The following JADE2 variants were observed in gnomAD, a reference collection of about 807,000 sequenced individuals.
JADE2 encodes jade family PHD finger 2, also known as E3 ubiquitin-protein ligase Jade-2.
A neutral mutation model predicts 85.7 loss-of-function variants in JADE2; 13 were observed. The ratio of observed to expected loss-of-function variants is 0.15; its 90% CI spans 0.10 to 0.24. JADE2 has a LOEUF of 0.24. Among genes scored for constraint, JADE2 ranks in the 10% least tolerant of loss-of-function variants. The pLI is 1.00. For synonymous variants in JADE2, 440 were observed against 456.1 expected, an observed-to-expected ratio of 0.96 and a Z score of 0.45; for missense variants, 846 against 1,115.9, an observed-to-expected ratio of 0.76 and a Z score of 3.45.
At chr5:134,565,955 G>A (rs777150499) in intron 8 of JADE2, among the ~76,000 whole-genome samples, 161 bp from the exon 9 acceptor site, 9 of 151,534 alleles carry the variant, frequency 5.9e-5, no homozygotes, top group East Asian at 3.9e-4. Flanking sequence ...CTCCCCTGCC[G>A]TAACTCCCAT....
At chr5:134,553,447 G>C (rs1762723285) in intron 4 of JADE2, among the ~76,000 whole-genome samples, 1 of 150,678 alleles carries the variant, frequency 6.6e-6, no homozygotes, top group African/African-American at 2.4e-5. Context: ...TCCGCCTCCC[G>C]GGTTCATGCG....
At chr5:134,561,002 A>G (rs1395501381) in intron 6 of JADE2, 45 bp downstream of exon 6, 1 of 1,552,422 alleles carries the variant, frequency 6.4e-7, no homozygotes, top group Non-Finnish European at 8.8e-7. Flanking sequence ...ATGTATACAC[A>G]CGCTGCCTGG....
Position 134,580,651 on chromosome 5 carries a change from A to G in JADE2, c.*1334A>G, listed in dbSNP as rs1335406902. The G allele has an allele frequency of 6.6e-6, 1 of 152,372 alleles. No individual in the cohort carries two copies. 9.4% of individuals were successfully genotyped at this position (152,372 alleles called of 1,614,324 possible). On this transcript the variant is annotated 3_prime_UTR_variant, in exon 12 of 12. Coordinates refer to ENST00000681547, the MANE Select transcript of JADE2 (RefSeq NM_001388185.1). ...GAACTTCTCCAAAAAGAACCTTGCA[A>G]AAAGTCCAGTGAATCAGTCGAATCA...
At chr5:134,532,791 C>T (rs1343900802) in intron 1 of JADE2, among the ~76,000 whole-genome samples, 1 of 152,142 alleles carries the variant, frequency 6.6e-6, no homozygotes, top group Non-Finnish European at 1.5e-5. Flanking sequence ...ATCCATGGGG[C>T]AAAAAGCTGA....
chr5:134,574,981 T>C (rs760786701), intron 10 of JADE2: 3 of 152,186 alleles, frequency 2.0e-5, no homozygotes, highest in Non-Finnish European at 2.9e-5. Context: ...TGGCCACATA[T>C]CGGCTGCAGA....
intron 3 of JADE2, 136 bp downstream of exon 3, chr5:134,538,219 G>A: frequency 3.1e-6 from 2 of 648,204 alleles, no homozygotes; most frequent in Admixed American, 2.6e-5. Flanking sequence ...GAATGAAGGG[G>A]AGTAGGGGCC....
chr5:134,578,561 G>T lies in JADE2; in HGVS notation c.1749G>T (p.Gln583His). 1.3e-5 allele frequency: 21 copies of T among 1,613,208 alleles called. No homozygotes were observed. The highest frequency in any genetic ancestry group is 1.7e-5 in the Non-Finnish European group (20 of 1,179,306). Reference protein sequence around the residue: ...FFNSWLAQSVQITAENMAMSE... With the variant: ...FFNSWLAQSVHITAENMAMSE... ...ACAGCTGGCTGGCACAGTCGGTGCA[G>T]ATCACAGCAGAGAACATGGCCATGA... The change falls in exon 12 of 12, where the codon CAG (glutamine) becomes CAT (histidine). Residue 583 changes from glutamine to histidine, a missense_variant. Physicochemically the swap from Gln to His is conservative, Grantham distance 24 (BLOSUM62 0). This residue lies in a region of JADE2 where 119 missense variants were observed against 163.9 expected (regional missense o/e 0.73). Coordinates refer to ENST00000681547, the MANE Select transcript of JADE2 (RefSeq NM_001388185.1). The surrounding 1 kb of genome is among the most constrained non-coding windows in gnomAD (Gnocchi z 4.4).
Position 134,578,528 on chromosome 5 carries a change from C to A in JADE2, c.1716C>A (p.Thr572=). Reference sequence around the variant, plus strand: ...CCACCTCATTCCCCATCGATGGCACCTTCTTCAACAGCTGGCTGGCACAGT... The same window carrying A: ...CCACCTCATTCCCCATCGATGGCACATTCTTCAACAGCTGGCTGGCACAGT... The part of the protein sequence containing the change: ...GLSTSFPIDG[T]FFNSWLAQSV... Residue 572 remains threonine, a synonymous_variant, in exon 12 of 12, where the codon ACC becomes ACA. Coordinates refer to ENST00000681547, the MANE Select transcript of JADE2 (RefSeq NM_001388185.1). This position sits in a 1 kb window ranked among gnomAD's most constrained non-coding sequence, Gnocchi z 4.4. The A allele has an allele frequency of 6.3e-7, 1 of 1,599,584 alleles. No homozygotes were observed. Among genetic ancestry groups the A allele is most frequent in the Non-Finnish European group, 8.6e-7 (1 of 1,169,190 alleles).
intron 10 of JADE2, 30 bp from the exon 11 acceptor site, chr5:134,576,738 T>A (rs1230897587): frequency 6.5e-7 from 1 of 1,549,988 alleles, no homozygotes; most frequent in Non-Finnish European, 8.7e-7. Context: ...GGTAACCATC[T>A]CCCTCCTCCT....
In JADE2 at chr5:134,578,473, T is replaced by A. The variant is rs1461081724; in HGVS notation, c.1682-21T>A. ...GGACACACGTCTGCTGGCGTCTCAC[T>A]TGCCTCCTCTCTCCCCTCAGCAGGC... On this transcript the variant is annotated intron_variant, in intron 11 of 11. Transcript: ENST00000681547. This position sits in a 1 kb window ranked among gnomAD's most constrained non-coding sequence, Gnocchi z 4.4. 1 of 1,537,842 alleles carries A rather than the reference T, an allele frequency of 6.5e-7. No homozygotes were observed. Among genetic ancestry groups the A allele is most frequent in the Non-Finnish European group, 8.8e-7 (1 of 1,133,332 alleles).
chr5:134,576,791 G>C lies in JADE2; in HGVS notation c.1576G>C (p.Gly526Arg). ...AGAGCGGTCTGGGAGGAGAGCAAAG[G>C]GCAAGAAGAGTGACTCGAAGAGGAA... is the stretch of plus-strand genomic sequence containing the variant. ...CRERSGRRAK[G>R]KKSDSKRKGC... Residue 526 changes from glycine to arginine, a missense_variant, in exon 11 of 12, where the codon GGC (glycine) becomes CGC (arginine). Coordinates refer to ENST00000681547, the MANE Select transcript of JADE2 (RefSeq NM_001388185.1). The C allele has an allele frequency of 1.3e-6, 2 of 1,550,626 alleles. No homozygotes were observed. The highest frequency in any genetic ancestry group is 1.7e-6 in the Non-Finnish European group (2 of 1,146,994).
intron 2 of JADE2, among the ~76,000 whole-genome samples, chr5:134,536,492 T>C (rs1761594640): frequency 6.6e-6 from 1 of 152,144 alleles, no homozygotes; most frequent in Non-Finnish European, 1.5e-5. Flanking sequence ...GGCATGTCAA[T>C]TGGACGTGAT....
At chr5:134,548,687 T>G (rs950608202) in intron 3 of JADE2, among the ~76,000 whole-genome samples, 2 of 151,412 alleles carry the variant, frequency 1.3e-5, no homozygotes, top group African/African-American at 4.9e-5. Flanking sequence ...GACTCTGAAG[T>G]TGACCCTGGG....
In JADE2 at chr5:134,536,022, G is replaced by C. The variant is rs958377191; in HGVS notation, c.58+107G>C. 16 of 937,714 alleles carry C rather than the reference G, an allele frequency of 1.7e-5. No homozygotes were observed. The Admixed American group carries it at 2.9e-4, about 17-fold the overall frequency. The allele number at this position is 937,714 out of a possible 1,614,324, so 58.1% of individuals were successfully genotyped here. A position where few individuals can be genotyped will look rare whatever the true frequency, so the allele number is the denominator to read the frequency against. On this transcript the variant is annotated intron_variant, in intron 2 of 11. Coordinates refer to ENST00000681547, the MANE Select transcript of JADE2 (RefSeq NM_001388185.1). Reference sequence around the variant, plus strand: ...CCCTGTGGTCTTAATTTCACTAAGAGGCATGTTGATGAAAGCATAAATCAA... The same window carrying C: ...CCCTGTGGTCTTAATTTCACTAAGACGCATGTTGATGAAAGCATAAATCAA...
At chr5:134,553,152 G>T (rs975018147) in intron 4 of JADE2, among the ~76,000 whole-genome samples, 1 of 151,614 alleles carries the variant, frequency 6.6e-6, no homozygotes, top group Non-Finnish European at 1.5e-5. Context: ...TTGATTGTTC[G>T]TAGAGACAAG....
At chr5:134,576,482 C>T (rs920523017) in intron 10 of JADE2, among the ~76,000 whole-genome samples, 3 of 152,198 alleles carry the variant, frequency 2.0e-5, no homozygotes, top group African/African-American at 7.2e-5. Flanking sequence ...TTCTTCCCAC[C>T]ACCCACACTC....
intron 3 of JADE2, 80 bp downstream of exon 3, chr5:134,538,163 GGCAGAGGGCACGGGCAGT>G: frequency 8.6e-7 from 1 of 1,165,588 alleles, no homozygotes; most frequent in South Asian, 1.3e-5. Context: ...GAGCATTCCT[GGCAGAGGGCACGGGCAGT>G]GCAGAGGGAG....
At chr5:134,567,642 T>C (rs779523195) in intron 9 of JADE2, among the ~76,000 whole-genome samples, 4 of 152,182 alleles carry the variant, frequency 2.6e-5, no homozygotes, top group Non-Finnish European at 5.9e-5. Flanking sequence ...GCTTTTCTTA[T>C]CTGCATCGCA....
intron 1 of JADE2, among the ~76,000 whole-genome samples, chr5:134,532,426 C>A (rs1365361693): frequency 1.3e-5 from 2 of 152,124 alleles, no homozygotes; most frequent in African/African-American, 4.8e-5. Flanking sequence ...CTACGACACC[C>A]ACACTTTGAA....
Sources: allele counts gnomAD v4.1 joint callset (sites outside exome capture counted in the v4.1 genomes callset), GRCh38; gene constraint gnomAD v4.1.1; regional missense constraint gnomAD v4.1.1; non-coding constraint Gnocchi (gnomAD v3.1); transcripts MANE v1.5; gene names NCBI Gene and HGNC (gene_info 2026-07-23, HGNC 2026-07-21).